The following OXCT1 variants were observed in gnomAD, a reference collection of about 807,000 sequenced individuals.
The protein encoded by OXCT1 is succinyl-CoA:3-ketoacid coenzyme A transferase 1, mitochondrial.
OXCT1 carries 27 observed loss-of-function variants against 69.6 expected under a neutral mutation model. The ratio of observed to expected loss-of-function variants is 0.39; its 90% CI spans 0.29 to 0.54. OXCT1 has a LOEUF of 0.54. OXCT1 is among the 20% of genes least tolerant of loss of function. The pLI is 0.72. For missense variants in OXCT1, 437 were observed against 650.2 expected (o/e 0.67, Z 3.57); for synonymous variants, 202 against 217.8 (o/e 0.93, Z 0.64).
intron 7 of OXCT1, among the ~76,000 whole-genome samples, chr5:41,811,628 T>C (rs796112186): frequency 5.3e-5 from 8 of 151,988 alleles, no homozygotes; most frequent in African/African-American, 1.9e-4. Flanking sequence ...GTATGAAAGC[T>C]AAAAGGGCCA....
At chr5:41,781,303 T>C (rs1336685974) in intron 13 of OXCT1, among the ~76,000 whole-genome samples, 1 of 152,188 alleles carries the variant, frequency 6.6e-6, no homozygotes, top group Non-Finnish European at 1.5e-5. Flanking sequence ...CCCTTCATTG[T>C]TAATACAACA....
At chr5:41,804,572 A>G (rs1478002029) in intron 9 of OXCT1, among the ~76,000 whole-genome samples, 1 of 152,106 alleles carries the variant, frequency 6.6e-6, no homozygotes, top group African/African-American at 2.4e-5. Flanking sequence ...ACCAACTTTT[A>G]CCTACTAACT....
intron 8 of OXCT1, among the ~76,000 whole-genome samples, chr5:41,806,544 T>C (rs1286245285): frequency 1.3e-5 from 2 of 152,054 alleles, no homozygotes; most frequent in Admixed American, 6.6e-5. Context: ...CTTAGTGCCA[T>C]CCCTTGGAAA....
In OXCT1 at chr5:41,758,009, G is replaced by A. The variant is rs554599652; in HGVS notation, c.1338+4102C>T. Among the ~76,000 whole-genome samples the A allele has an allele frequency of 8.5e-5, 13 of 152,204 alleles. No individual in the cohort carries two copies. In the East Asian group the frequency reaches 1.7e-3, roughly 20 times the overall value. On this transcript the variant is annotated intron_variant, in intron 14 of 16. Coordinates refer to ENST00000196371, the MANE Select transcript of OXCT1 (RefSeq NM_000436.4). ...CAGTCGTGTGCTTGATTACCAGGAC[G>A]TAGGGGCAGTCAGCAGTCAGGGACC...
At chr5:41,840,544 G>A (rs1437062896) in intron 6 of OXCT1, 33 bp from the exon 7 acceptor site, 3 of 1,442,328 alleles carry the variant, frequency 2.1e-6, no homozygotes, top group Admixed American at 1.7e-5. Flanking sequence ...AAAGTGGGGG[G>A]GAAAAGACGA....
chr5:41,851,060 TG>T (rs1749151365), intron 4 of OXCT1, among the ~76,000 whole-genome samples: 1 of 152,160 alleles, frequency 6.6e-6, no homozygotes, highest in African/African-American at 2.4e-5. Context: ...CCCAGTGCTT[TG>T]GGAGGTGAAG....
At chr5:41,780,123 G>A (rs182985862) in intron 13 of OXCT1, among the ~76,000 whole-genome samples, 81 of 152,208 alleles carry the variant, frequency 5.3e-4, no homozygotes, top group African/African-American at 1.9e-3. Context: ...AGGTATACAA[G>A]AATATGACAT....
chr5:41,865,936 T>C (rs138808840), intron 1 of OXCT1, among the ~76,000 whole-genome samples: 2 of 152,014 alleles, frequency 1.3e-5, no homozygotes, highest in Non-Finnish European at 2.9e-5. Context: ...TTAGTTTTAA[T>C]TTTAATTGTA....
chr5:41,863,615 T>C (rs1038589853), intron 1 of OXCT1, among the ~76,000 whole-genome samples: 1 of 152,094 alleles, frequency 6.6e-6, no homozygotes, highest in Non-Finnish European at 1.5e-5. Context: ...ATGTCTTCTA[T>C]TACATAAGGG....
At chr5:41,747,479 G>A (rs1743556348) in intron 15 of OXCT1, among the ~76,000 whole-genome samples, 1 of 152,094 alleles carries the variant, frequency 6.6e-6, no homozygotes, top group Non-Finnish European at 1.5e-5. Context: ...AGCCAGACAG[G>A]CAGAGATTAG....
chr5:41,743,369 C>T (rs187594695), intron 15 of OXCT1, among the ~76,000 whole-genome samples: 1 of 152,230 alleles, frequency 6.6e-6, no homozygotes, highest in African/African-American at 2.4e-5. Context: ...TTTGTAGATT[C>T]TGGATATTAG....
At chr5:41,755,061 G>C (rs1394857086) in intron 14 of OXCT1, among the ~76,000 whole-genome samples, 1 of 152,048 alleles carries the variant, frequency 6.6e-6, no homozygotes, top group Non-Finnish European at 1.5e-5. Context: ...GCAGAGCACA[G>C]AAGTCAGCAG....
chr5:41,804,597 C>T (rs1301279560), intron 9 of OXCT1, among the ~76,000 whole-genome samples: 1 of 152,112 alleles, frequency 6.6e-6, no homozygotes, highest in Admixed American at 6.6e-5. Flanking sequence ...TTGGTTGACA[C>T]CACACCTTGC....
chr5:41,835,263 G>A (rs893707679), intron 7 of OXCT1, among the ~76,000 whole-genome samples: 1 of 152,118 alleles, frequency 6.6e-6, no homozygotes, highest in African/African-American at 2.4e-5. Flanking sequence ...AACCTATCAA[G>A]ATTGAACCAG....
chr5:41,819,876 C>T (rs1042969986), intron 7 of OXCT1, among the ~76,000 whole-genome samples: 4 of 152,070 alleles, frequency 2.6e-5, no homozygotes, highest in African/African-American at 9.7e-5. Context: ...CATTTACTTC[C>T]GTAACTGGTT....
chr5:41,789,940 T>G (rs1219160838), intron 13 of OXCT1, among the ~76,000 whole-genome samples: 1 of 152,218 alleles, frequency 6.6e-6, no homozygotes, highest in Non-Finnish European at 1.5e-5. Flanking sequence ...GTAGCATGTC[T>G]AGAGAACCCA....
At chr5:41,745,192 AC>A (rs1426539755) in intron 15 of OXCT1, among the ~76,000 whole-genome samples, 1 of 152,128 alleles carries the variant, frequency 6.6e-6, no homozygotes, top group East Asian at 1.9e-4. Flanking sequence ...ACAAATTATA[AC>A]AAACTGTCTC....
chr5:41,813,081 G>T lies in OXCT1; in HGVS notation c.733-5643C>A, dbSNP rs1579791457. On this transcript the variant is annotated intron_variant, in intron 7 of 16. Transcript: ENST00000196371. ...TGTCATATGATCTTCATTAATTTGT[G>T]ATCAGGCTAGAACATAAGTGGGCCA... 2.0e-5 allele frequency among the ~76,000 whole-genome samples: 3 copies of T among 152,172 alleles called. No individual in the cohort carries two copies. In the East Asian group the frequency reaches 5.8e-4, roughly 29 times the overall value.
chr5:41,785,134 A>G (rs1049733040), intron 13 of OXCT1, among the ~76,000 whole-genome samples: 1 of 152,246 alleles, frequency 6.6e-6, no homozygotes, highest in Non-Finnish European at 1.5e-5. Context: ...AAAAAAATGC[A>G]TGCCCATTTG....
Sources: allele counts gnomAD v4.1 joint callset (sites outside exome capture counted in the v4.1 genomes callset), GRCh38; gene constraint gnomAD v4.1.1; transcripts MANE v1.5; gene names NCBI Gene and HGNC (gene_info 2026-07-23, HGNC 2026-07-21).